Variants in DAPK2 observed in about 807,000 individuals in gnomAD.
DAPK2 encodes the protein death-associated protein kinase 2.
In DAPK2, 35 loss-of-function variants were observed where a neutral mutation model predicts 44.1. The ratio of observed to expected loss-of-function variants is 0.79; its 90% confidence interval spans 0.61 to 1.05. DAPK2 has a LOEUF of 1.05. Among genes scored for constraint, DAPK2 ranks in the 50% least tolerant of loss-of-function variants. The probability of loss-of-function intolerance (pLI) is 0.00; values close to 1 mark genes in which losing one functional copy is unlikely to be tolerated. For synonymous variants in DAPK2, 174 were observed against 182.6 expected, an observed-to-expected ratio of 0.95 and a Z score of 0.38; for missense variants, 453 against 483.2, an observed-to-expected ratio of 0.94 and a Z score of 0.59.
At chr15:63,979,189 CATGTG>C (rs557866487) in intron 2 of DAPK2, among the ~76,000 whole-genome samples, 13 of 152,314 alleles carry the variant, frequency 8.5e-5, no homozygotes, top group African/African-American at 2.9e-4. Context: ...GCTAGTTCCA[CATGTG>C]ACATGAGTTA....
chr15:63,923,180 C>A lies in DAPK2; in HGVS notation c.858+1636G>T, dbSNP rs748457266. The stretch of plus-strand genomic sequence containing the variant: ...CAGGGCACGGCATCCCAGGTCGACC[C>A]GAGCCACGTCTTCCACCACACAGGC... On this transcript the variant is annotated intron_variant, in intron 8 of 10. Coordinates refer to ENST00000261891, the Ensembl canonical transcript of DAPK2. The surrounding 1 kb of genome is among the most constrained non-coding windows in gnomAD (Gnocchi z 4.2). 5.2e-6 allele frequency: 8 copies of A among 1,535,736 alleles called. No homozygotes were observed. The East Asian group carries it at 1.5e-4, about 28-fold the overall frequency.
chr15:63,953,211 A>T (rs2077638388), intron 3 of DAPK2, among the ~76,000 whole-genome samples: 1 of 148,666 alleles, frequency 6.7e-6, no homozygotes, highest in Non-Finnish European at 1.5e-5. Context: ...GCTTCCACTT[A>T]TGAGTGAGAA....
At chr15:64,005,877 T>A (rs971985842) in intron 1 of DAPK2, among the ~76,000 whole-genome samples, 4 of 151,290 alleles carry the variant, frequency 2.6e-5, no homozygotes, top group Non-Finnish European at 5.9e-5. Flanking sequence ...AAGAAAAAAA[T>A]TTTTTAATTA....
intron 4 of DAPK2, among the ~76,000 whole-genome samples, chr15:63,930,805 T>A (rs1445101002): frequency 6.6e-6 from 1 of 152,162 alleles, no homozygotes; most frequent in Non-Finnish European, 1.5e-5. Flanking sequence ...ACACCTATAA[T>A]CCCAGCACTT....
intron 2 of DAPK2, among the ~76,000 whole-genome samples, chr15:63,976,025 C>T (rs1375345737): frequency 6.6e-6 from 1 of 152,206 alleles, no homozygotes; most frequent in Non-Finnish European, 1.5e-5. Context: ...CAGAAGCACA[C>T]CTGGACCCAC....
chr15:63,994,606 T>A (rs1240116562), intron 1 of DAPK2, among the ~76,000 whole-genome samples: 1 of 113,094 alleles, frequency 8.8e-6, no homozygotes, highest in Non-Finnish European at 1.7e-5. Flanking sequence ...TTTTTTTTTT[T>A]TGAGACGTAG....
chr15:63,965,713 A>G (rs1282451521), intron 3 of DAPK2, among the ~76,000 whole-genome samples: 1 of 152,086 alleles, frequency 6.6e-6, no homozygotes, highest in African/African-American at 2.4e-5. Flanking sequence ...AAGCGGAGGC[A>G]TCTCCCCCCA....
At chr15:64,011,617 T>C (rs2079392238) in intron 1 of DAPK2, among the ~76,000 whole-genome samples, 1 of 152,248 alleles carries the variant, frequency 6.6e-6, no homozygotes, top group South Asian at 2.1e-4. Flanking sequence ...TCTATATCTG[T>C]GCTGTCTAAT....
chr15:63,940,813 A>C (rs2077286724), intron 3 of DAPK2, among the ~76,000 whole-genome samples: 1 of 152,210 alleles, frequency 6.6e-6, no homozygotes, highest in South Asian at 2.1e-4. Flanking sequence ...ATTTATGCTA[A>C]GGGAAAGAAC....
At chr15:64,027,208 C>A (rs1036530088) in intron 1 of DAPK2, among the ~76,000 whole-genome samples, 3 of 152,066 alleles carry the variant, frequency 2.0e-5, no homozygotes, top group African/African-American at 7.2e-5. Flanking sequence ...ATGGTGAAAC[C>A]CTGTCTCTAC....
At position 64,013,065 on chromosome 15, in the gene DAPK2, G is replaced by A. The variant is rs754388807; in HGVS notation, c.92+27105C>T. ...AGCAAAACTATGTCAGTCCCTACTA[G>A]CCTAGTCCCTGAAAGGAGGCCTGAG... On this transcript the variant is annotated intron_variant, in intron 1 of 10. Transcript: ENST00000261891. The surrounding 1 kb of genome is among the most constrained non-coding windows in gnomAD (Gnocchi z 4.7). Among the ~76,000 whole-genome samples the A allele has an allele frequency of 4.6e-5, 7 of 152,168 alleles. No homozygotes were observed. Among genetic ancestry groups the A allele is most frequent in the African/African-American group, 9.7e-5 (4 of 41,436 alleles).
chr15:63,976,676 G>T, intron 2 of DAPK2, among the ~76,000 whole-genome samples: 1 of 152,110 alleles, frequency 6.6e-6, no homozygotes, highest in East Asian at 1.9e-4. Context: ...TTGCACCCTG[G>T]GCAACAGAGT....
intron 8 of DAPK2, chr15:63,922,437 CCCAGGGCCAG>C: frequency 8.8e-7 from 1 of 1,141,934 alleles, no homozygotes; most frequent in African/African-American, 1.6e-5. Flanking sequence ...CAAGCATTTC[CCCAGGGCCAG>C]CCATCCTCCC....
At chr15:64,041,371 C>T (rs1227107444), upstream of DAPK2, among the ~76,000 whole-genome samples, 1 of 152,224 alleles carries the variant, frequency 6.6e-6, no homozygotes, top group East Asian at 1.9e-4. Context: ...AAAGCCATAG[C>T]CCAACTCTGA....
intron 1 of DAPK2, among the ~76,000 whole-genome samples, chr15:63,992,052 T>TA (rs2078836011): frequency 6.6e-6 from 1 of 152,058 alleles, no homozygotes. Context: ...TCAGAAAAAC[T>TA]AAAGCACAAA....
chr15:64,032,368 A>G (rs2080040301), intron 1 of DAPK2, among the ~76,000 whole-genome samples: 1 of 152,246 alleles, frequency 6.6e-6, no homozygotes, highest in Non-Finnish European at 1.5e-5. Flanking sequence ...AAGAGCAAAG[A>G]TAAGTCATAT....
chr15:64,043,340 A>G (rs577748050), upstream of DAPK2, among the ~76,000 whole-genome samples: 1 of 152,384 alleles, frequency 6.6e-6, no homozygotes, highest in Non-Finnish European at 1.5e-5. Context: ...ATAACTAAAA[A>G]TTGGAAACAA....
chr15:63,918,175 C>T (rs61665756), intron 8 of DAPK2: 3,161 of 152,386 alleles, frequency 0.021, 107 homozygotes, highest in African/African-American at 0.072. Flanking sequence ...CAGCAAGGGC[C>T]GGGCCACCTG....
Position 64,013,840 on chromosome 15 carries a change from T to G in DAPK2, c.92+26330A>C, listed in dbSNP as rs760895591. On this transcript the variant is annotated intron_variant, in intron 1 of 10. Transcript: ENST00000261891. The surrounding 1 kb of genome is among the most constrained non-coding windows in gnomAD (Gnocchi z 4.7). ...TCCCTGTAAGTGGTCCAGCCTCACA[T>G]GAATAAATCATGATGCCATTATGAG... is the stretch of plus-strand genomic sequence containing the variant. 1.3e-5 allele frequency among the ~76,000 whole-genome samples: 2 copies of G among 152,204 alleles called. No homozygotes were observed. The highest frequency in any genetic ancestry group is 1.3e-4 in the Admixed American group (2 of 15,280).
Sources: gnomAD v4.1 joint callset for allele counts (sites outside exome capture counted in the v4.1 genomes callset) on GRCh38, gnomAD v4.1.1 for gene constraint, Gnocchi (gnomAD v3.1) non-coding constraint, MANE v1.5 for transcripts, NCBI Gene and HGNC (gene_info 2026-07-23, HGNC 2026-07-21) for gene names.